KLF12: variants seen among roughly 807,000 people sequenced by gnomAD.
The protein encoded by KLF12 is KLF transcription factor 12.
A neutral mutation model predicts 37.8 loss-of-function variants in KLF12; 9 were observed. The observed-to-expected ratio is 0.24, with a 90% CI of 0.14 to 0.42. The LOEUF is 0.42. KLF12 is among the 10% of genes least tolerant of loss of function. The probability of loss-of-function intolerance (pLI) is 1.00; values close to 1 mark genes in which losing one functional copy is unlikely to be tolerated. For synonymous variants in KLF12, 208 were observed against 202.1 expected, an observed-to-expected ratio of 1.03 and a Z score of -0.25; for missense variants, 411 against 516.0, an observed-to-expected ratio of 0.80 and a Z score of 1.97.
chr13:74,276,889 A>C, the KLF12 span, among the ~76,000 whole-genome samples: 1 of 152,230 alleles, frequency 6.6e-6, no homozygotes, highest in African/African-American at 2.4e-5. Flanking sequence ...TGATTGGAGA[A>C]GCAAAGTTCT....
chr13:74,171,403 T>C, the KLF12 span, among the ~76,000 whole-genome samples: 3 of 152,072 alleles, frequency 2.0e-5, no homozygotes, highest in African/African-American at 7.2e-5. Context: ...TTTAAAAAAG[T>C]AGGCAGTGAG....
chr13:74,057,789 G>A (rs983942615), intron 1 of KLF12, among the ~76,000 whole-genome samples: 1 of 152,222 alleles, frequency 6.6e-6, no homozygotes, highest in Admixed American at 6.5e-5. Context: ...TAAGGGAAAT[G>A]AGGAAAAATA....
At chr13:74,006,105 C>T (rs1405848046) in intron 1 of KLF12, among the ~76,000 whole-genome samples, 1 of 152,206 alleles carries the variant, frequency 6.6e-6, no homozygotes, top group East Asian at 1.9e-4. Flanking sequence ...AGTTGCAGAA[C>T]AATTTCTGTC....
intron 5 of KLF12, among the ~76,000 whole-genome samples, chr13:73,784,812 A>AT (rs750405216): frequency 1.3e-5 from 2 of 151,466 alleles, no homozygotes; most frequent in South Asian, 2.1e-4. Flanking sequence ...TTGTTTTTGC[A>AT]TTTTTTGTAG....
At chr13:73,881,334 A>T (rs945958188) in intron 3 of KLF12, among the ~76,000 whole-genome samples, 1 of 152,134 alleles carries the variant, frequency 6.6e-6, no homozygotes, top group Non-Finnish European at 1.5e-5. Context: ...CAATAAAATA[A>T]TTGCTTCCAT....
chr13:74,133,179 T>C (rs1344042600), intron 1 of KLF12, among the ~76,000 whole-genome samples: 5 of 152,120 alleles, frequency 3.3e-5, no homozygotes, highest in African/African-American at 7.2e-5. Context: ...AGGAGCACTA[T>C]TCATGCCAGC....
At chr13:74,244,832 C>T in the KLF12 span, among the ~76,000 whole-genome samples, 1 of 152,118 alleles carries the variant, frequency 6.6e-6, no homozygotes, top group African/African-American at 2.4e-5. Flanking sequence ...TTGAATTCCC[C>T]CAGCACATTA....
At chr13:73,697,136 T>C (rs768654144) in intron 7 of KLF12, among the ~76,000 whole-genome samples, 1 of 150,910 alleles carries the variant, frequency 6.6e-6, no homozygotes, top group East Asian at 1.9e-4. Context: ...TAGGAACATA[T>C]ATGGTAAACT....
chr13:74,011,373 G>C (rs1457919911), intron 1 of KLF12, among the ~76,000 whole-genome samples: 1 of 152,120 alleles, frequency 6.6e-6, no homozygotes, highest in Non-Finnish European at 1.5e-5. Flanking sequence ...TGTCCACAGA[G>C]CATCTACATG....
chr13:73,778,522 G>A (rs1880767224), intron 5 of KLF12, among the ~76,000 whole-genome samples: 1 of 152,036 alleles, frequency 6.6e-6, no homozygotes, highest in South Asian at 2.1e-4. Context: ...ACCACGCCCC[G>A]TTAGTTATTT....
intron 3 of KLF12, among the ~76,000 whole-genome samples, chr13:73,872,335 A>G (rs1167626477): frequency 6.6e-6 from 1 of 152,196 alleles, no homozygotes; most frequent in East Asian, 1.9e-4. Context: ...ATATGAATAT[A>G]TATTTTTAAA....
the KLF12 span, among the ~76,000 whole-genome samples, chr13:74,232,474 A>G: frequency 6.6e-6 from 1 of 152,186 alleles, no homozygotes; most frequent in South Asian, 2.1e-4. Flanking sequence ...CCAGATTACT[A>G]TAAGAAACTG....
At chr13:74,226,347 G>T in the KLF12 span, among the ~76,000 whole-genome samples, 2 of 152,120 alleles carry the variant, frequency 1.3e-5, no homozygotes, top group Non-Finnish European at 2.9e-5. Flanking sequence ...GAAATAGAAG[G>T]TGTCTTTGGA....
the KLF12 span, among the ~76,000 whole-genome samples, chr13:74,234,231 CTA>C: frequency 6.6e-6 from 1 of 152,056 alleles, no homozygotes; most frequent in South Asian, 2.1e-4. Flanking sequence ...TAAATATTAC[CTA>C]TAGATAAAAA....
At chr13:74,103,604 C>A (rs1876486483) in intron 1 of KLF12, among the ~76,000 whole-genome samples, 1 of 152,148 alleles carries the variant, frequency 6.6e-6, no homozygotes, top group Non-Finnish European at 1.5e-5. Flanking sequence ...TTTGGCTATA[C>A]AACAATGTGC....
chr13:73,979,340 A>C (rs1474259313), intron 2 of KLF12, among the ~76,000 whole-genome samples: 1 of 142,254 alleles, frequency 7.0e-6, no homozygotes, highest in African/African-American at 2.7e-5. Context: ...TCTTTTAAAA[A>C]CAGTCTGCTT....
At chr13:73,789,868 G>A (rs1008773755) in intron 5 of KLF12, among the ~76,000 whole-genome samples, 2 of 152,018 alleles carry the variant, frequency 1.3e-5, no homozygotes, top group Non-Finnish European at 2.9e-5. Context: ...AGTAGAGACG[G>A]GGTTTCACCG....
chr13:73,761,648 C>A (rs1471247833), intron 6 of KLF12, among the ~76,000 whole-genome samples: 2 of 152,174 alleles, frequency 1.3e-5, no homozygotes, highest in African/African-American at 4.8e-5. Context: ...GCTCTAACCA[C>A]CCCTCTGGGT....
the KLF12 span, among the ~76,000 whole-genome samples, chr13:74,183,237 C>T: frequency 1.3e-5 from 2 of 152,074 alleles, no homozygotes; most frequent in Admixed American, 6.6e-5. Context: ...AAAGTTTGTA[C>T]TCTACAAGAG....
Sources: gnomAD v4.1 joint callset for allele counts (sites outside exome capture counted in the v4.1 genomes callset) on GRCh38, gnomAD v4.1.1 for gene constraint, MANE v1.5 for transcripts, NCBI Gene and HGNC (gene_info 2026-07-23, HGNC 2026-07-21) for gene names.